The following HAPLN1 variants were observed in gnomAD, a reference collection of about 807,000 sequenced individuals.
HAPLN1 encodes Cartilage link protein.
HAPLN1 carries 13 observed loss-of-function variants against 36.5 expected under a neutral mutation model. That is an observed-to-expected ratio of 0.36 (90% CI 0.23 to 0.57). The LOEUF (loss-of-function observed/expected upper bound fraction) is 0.57, where lower values mean the gene tolerates loss of function less well. Among genes scored for constraint, HAPLN1 ranks in the 20% least tolerant of loss-of-function variants. The probability of loss-of-function intolerance (pLI) is 0.83; values close to 1 mark genes in which losing one functional copy is unlikely to be tolerated. For missense variants in HAPLN1, 407 were observed against 439.7 expected (o/e 0.93, Z 0.66); for synonymous variants, 202 against 169.8 (o/e 1.19, Z -1.48).
intron 1 of HAPLN1, among the ~76,000 whole-genome samples, chr5:83,680,364 T>C (rs1393210857): frequency 3.3e-5 from 5 of 152,304 alleles, no homozygotes; most frequent in Admixed American, 3.3e-4. Flanking sequence ...TTAGGGTATA[T>C]GGGGAAAGCA....
Position 83,688,642 on chromosome 5 carries a change from C to CTTTTTTTTTTTTTTTT in HAPLN1, c.-26-15109_-26-15094dup, listed in dbSNP as rs539790396. ...TATTTGCCAAATGCAGCTTTTGATT[C>CTTTTTTTTTTTTTTTT]TTTTTTTTTTTTTTTTTTTTTTTTT... is the stretch of plus-strand genomic sequence containing the variant. On this transcript the variant is annotated intron_variant, in intron 1 of 4. Coordinates refer to ENST00000274341, the MANE Select transcript of HAPLN1 (RefSeq NM_001884.4). Among the ~76,000 whole-genome samples, 5 of 80,560 alleles carry CTTTTTTTTTTTTTTTT rather than the reference C, an allele frequency of 6.2e-5. 2 individuals carry two copies. The highest frequency in any genetic ancestry group is 2.6e-4 in the African/African-American group (5 of 19,078). 52.9% of individuals were successfully genotyped at this position (80,560 alleles called of 152,430 possible). A position where few individuals can be genotyped will look rare whatever the true frequency, so the allele number is the denominator to read the frequency against.
chr5:83,700,783 C>G (rs183477172), intron 1 of HAPLN1, among the ~76,000 whole-genome samples: 1 of 152,174 alleles, frequency 6.6e-6, no homozygotes, highest in African/African-American at 2.4e-5. Flanking sequence ...CAAGGCTCCT[C>G]TCATTCTGCT....
intron 1 of HAPLN1, among the ~76,000 whole-genome samples, chr5:83,692,649 AT>A (rs1751306401): frequency 6.6e-6 from 1 of 151,958 alleles, no homozygotes; most frequent in South Asian, 2.1e-4. Flanking sequence ...CAGAAGAAAA[AT>A]GATAACAGTT....
intron 1 of HAPLN1, among the ~76,000 whole-genome samples, chr5:83,689,182 T>C (rs951479088): frequency 1.2e-4 from 19 of 152,094 alleles, no homozygotes; most frequent in Non-Finnish European, 2.5e-4. Flanking sequence ...GATAAAATTA[T>C]TTTGGCTATT....
In HAPLN1 at chr5:83,668,365, G is replaced by A. The variant is rs536033737; in HGVS notation, c.100+5059C>T. Among the ~76,000 whole-genome samples the A allele has an allele frequency of 1.8e-3, 270 of 152,298 alleles. 1 individual carries two copies. Among genetic ancestry groups the A allele is most frequent in the African/African-American group, 6.1e-3 (254 of 41,560 alleles). The stretch of plus-strand genomic sequence containing the variant: ...GAAATAAGCTCAGATTTGAAGTAAA[G>A]GAAGGGGTTAACTAGATAAACGGAC... On this transcript the variant is annotated intron_variant, in intron 2 of 4. Coordinates refer to ENST00000274341, the MANE Select transcript of HAPLN1 (RefSeq NM_001884.4).
In HAPLN1 at chr5:83,638,501, A is replaced by G. The variant is rs996656371; in HGVS notation, c.*2995T>C. The G allele has an allele frequency of 3.9e-5, 6 of 152,172 alleles. No homozygotes were observed. The highest frequency in any genetic ancestry group is 1.3e-4 in the Admixed American group (2 of 15,288). 9.4% of individuals were successfully genotyped at this position (152,172 alleles called of 1,614,324 possible). A position where few individuals can be genotyped will look rare whatever the true frequency, so the allele number is the denominator to read the frequency against. On this transcript the variant is annotated 3_prime_UTR_variant, in exon 5 of 5. Coordinates refer to ENST00000274341, the MANE Select transcript of HAPLN1 (RefSeq NM_001884.4). ...TTAATGCATCCTATGCTAAAAACTG[A>G]TAAGTGATTCCCTTTTAATCCTCCC...
At chr5:83,702,400 T>C (rs901147631) in intron 1 of HAPLN1, among the ~76,000 whole-genome samples, 9 of 152,224 alleles carry the variant, frequency 5.9e-5, no homozygotes, top group Non-Finnish European at 1.0e-4. Context: ...CATCTCAAAC[T>C]GCTTCCAGAA....
At chr5:83,703,423 T>A (rs1308522563) in intron 1 of HAPLN1, 1 of 152,210 alleles carries the variant, frequency 6.6e-6, no homozygotes, top group African/African-American at 2.4e-5. Flanking sequence ...TTTTTTAAAA[T>A]TCTCTACTTT....
chr5:83,682,070 C>A (rs1370498037), intron 1 of HAPLN1, among the ~76,000 whole-genome samples: 1 of 152,076 alleles, frequency 6.6e-6, no homozygotes, highest in Non-Finnish European at 1.5e-5. Context: ...ATTGAGCCAG[C>A]AAAACAATAT....
At chr5:83,701,951 C>T (rs1751518474) in intron 1 of HAPLN1, among the ~76,000 whole-genome samples, 1 of 150,954 alleles carries the variant, frequency 6.6e-6, no homozygotes, top group South Asian at 2.1e-4. Context: ...CACACACACA[C>T]ACACACAAAA....
intron 1 of HAPLN1, among the ~76,000 whole-genome samples, chr5:83,702,342 T>C (rs2112630428): frequency 6.6e-6 from 1 of 152,368 alleles, no homozygotes; most frequent in Non-Finnish European, 1.5e-5. Flanking sequence ...ATCATTTTTC[T>C]TTTTATAACT....
intron 1 of HAPLN1, among the ~76,000 whole-genome samples, chr5:83,702,273 C>T (rs916870597): frequency 1.1e-4 from 17 of 151,852 alleles, no homozygotes; most frequent in African/African-American, 3.9e-4. Context: ...CCTTTCATGG[C>T]TTAAAAAAAT....
At chr5:83,651,560 T>C (rs1247029261) in intron 3 of HAPLN1, among the ~76,000 whole-genome samples, 3 of 31,846 alleles carry the variant, frequency 9.4e-5, no homozygotes, top group Non-Finnish European at 1.8e-4. Flanking sequence ...TGTGATAGGA[T>C]TGTATGGGAT....
chr5:83,644,338 G>C, intron 4 of HAPLN1, 25 bp downstream of exon 4: 3 of 1,459,548 alleles, frequency 2.1e-6, no homozygotes, highest in South Asian at 3.0e-5. Flanking sequence ...AGATAGGAAA[G>C]AAGGCAGTAC....
At chr5:83,702,796 G>A (rs59390257) in intron 1 of HAPLN1, among the ~76,000 whole-genome samples, 4,932 of 151,696 alleles carry the variant, frequency 0.033, 294 homozygotes, top group African/African-American at 0.11. Flanking sequence ...GGAGTGCAGC[G>A]GAGCAATTTC....
At chr5:83,679,419 A>G (rs1750942832) in intron 1 of HAPLN1, among the ~76,000 whole-genome samples, 1 of 152,152 alleles carries the variant, frequency 6.6e-6, no homozygotes, top group African/African-American at 2.4e-5. Flanking sequence ...TTTTGAAATC[A>G]GTCTATTTCT....
At chr5:83,685,746 G>T (rs1253355768) in intron 1 of HAPLN1, 1 of 152,174 alleles carries the variant, frequency 6.6e-6, no homozygotes, top group Non-Finnish European at 1.5e-5. Flanking sequence ...GAGTGAACTA[G>T]AGGTAACTGG....
At chr5:83,664,712 G>A (rs1008016803) in intron 2 of HAPLN1, among the ~76,000 whole-genome samples, 1 of 152,048 alleles carries the variant, frequency 6.6e-6, no homozygotes, top group Non-Finnish European at 1.5e-5. Flanking sequence ...TTATTTATAT[G>A]TAATTTTGCT....
chr5:83,694,719 A>G (rs1447082233), intron 1 of HAPLN1, among the ~76,000 whole-genome samples: 1 of 152,076 alleles, frequency 6.6e-6, no homozygotes, highest in African/African-American at 2.4e-5. Context: ...CCCTATATCT[A>G]TTTTTTAAAA....
Sources: allele counts gnomAD v4.1 joint callset (sites outside exome capture counted in the v4.1 genomes callset), GRCh38; gene constraint gnomAD v4.1.1; transcripts MANE v1.5; gene names NCBI Gene and HGNC (gene_info 2026-07-23, HGNC 2026-07-21).